The following SLC7A1 variants were observed in gnomAD, a reference collection of about 807,000 sequenced individuals.
The protein encoded by SLC7A1 is solute carrier family 7 member 1.
Under a neutral mutation model 53.9 loss-of-function variants are expected in SLC7A1, and 10 were observed. The observed-to-expected ratio is 0.19, with a 90% CI of 0.11 to 0.31. SLC7A1 has a LOEUF of 0.31. Ranked by LOEUF, SLC7A1 falls within the 10% of genes least tolerant of loss-of-function variation. The pLI is 1.00. For missense variants in SLC7A1, 525 were observed against 827.2 expected (o/e 0.63, Z 4.48); for synonymous variants, 342 against 338.7 (o/e 1.01, Z -0.11).
chr13:29,516,375 G>A, intron 11 of SLC7A1, 129 bp from the exon 12 acceptor site: 1 of 637,724 alleles, frequency 1.6e-6, no homozygotes, highest in Non-Finnish European at 2.8e-6. Context: ...GGAAGAGAGA[G>A]GGAGTGCCCA....
chr13:29,530,685 G>A lies in SLC7A1; in HGVS notation c.557C>T (p.Ser186Leu). 1.2e-6 allele frequency: 2 copies of A among 1,614,036 alleles called. No homozygotes were observed. Among genetic ancestry groups the A allele is most frequent in the Non-Finnish European group, 1.7e-6 (2 of 1,179,958 alleles). ...TGLLTLGVKESAMVNKIFTCI... is the reference protein window; with the variant it reads ...TGLLTLGVKELAMVNKIFTCI... ...AGTGAATATTTTGTTGACCATGGCC[G>A]ACTCTTTCACACCAAGAGTTAAAAG... is the stretch of plus-strand genomic sequence containing the variant. Residue 186 changes from serine (S) to leucine (L), a missense_variant, in exon 5 of 13, where the codon TCG (serine) becomes TTG (leucine). Around this residue, in one of 4 missense-constraint regions of SLC7A1, gnomAD observed 354 missense variants for 587.5 expected, o/e 0.60. Coordinates refer to ENST00000380752, the MANE Select transcript of SLC7A1 (RefSeq NM_003045.5).
At chr13:29,562,133 C>T (rs1012367603) in intron 1 of SLC7A1, among the ~76,000 whole-genome samples, 2 of 152,228 alleles carry the variant, frequency 1.3e-5, no homozygotes, top group African/African-American at 4.8e-5. Context: ...TCTCAGCCTG[C>T]CAGTTTCCCA....
chr13:29,567,355 C>CCTAT, intron 1 of SLC7A1, among the ~76,000 whole-genome samples: 1 of 152,216 alleles, frequency 6.6e-6, no homozygotes, highest in East Asian at 1.9e-4. Context: ...GGGTGGCTTA[C>CCTAT]ATAGGTAAGC....
intron 1 of SLC7A1, among the ~76,000 whole-genome samples, chr13:29,578,747 C>T (rs1397650445): frequency 1.3e-5 from 2 of 152,240 alleles, no homozygotes; most frequent in African/African-American, 4.8e-5. Context: ...TAAGGATCCA[C>T]CAATGCTGGA....
At chr13:29,515,148 G>A (rs1883517909) in intron 12 of SLC7A1, among the ~76,000 whole-genome samples, 1 of 152,244 alleles carries the variant, frequency 6.6e-6, no homozygotes. Flanking sequence ...CCCAGGGGCT[G>A]GGGCCACCTT....
chr13:29,517,751 G>A lies in SLC7A1; in HGVS notation c.1332C>T (p.Ala444=). 6.2e-7 allele frequency: 1 copy of A among 1,614,194 alleles called. No individual in the cohort carries two copies. Among genetic ancestry groups the A allele is most frequent in the Non-Finnish European group, 8.5e-7 (1 of 1,180,034 alleles). ...CTGGATCTAACTCGTCGGAAGTACTGGCCATCTGGTATACCAGGTTAGGCT... is the reference window on the plus strand; with the variant it reads ...CTGGATCTAACTCGTCGGAAGTACTAGCCATCTGGTATACCAGGTTAGGCT... ...PEQPNLVYQM[A]STSDELDPAD... Residue 444 remains alanine, a synonymous_variant, in exon 10 of 13, where the codon GCC becomes GCT. Transcript: ENST00000380752.
chr13:29,546,570 C>G (rs1041897067), intron 2 of SLC7A1, among the ~76,000 whole-genome samples: 33 of 152,220 alleles, frequency 2.2e-4, no homozygotes. Context: ...GATATTTTCC[C>G]ACTCACTCAT....
At chr13:29,577,321 A>T (rs1871450150) in intron 1 of SLC7A1, among the ~76,000 whole-genome samples, 1 of 152,184 alleles carries the variant, frequency 6.6e-6, no homozygotes, top group African/African-American at 2.4e-5. Flanking sequence ...GGTCAGGGTT[A>T]GCCAGAGCCA....
chr13:29,538,770 C>A (rs1593552864), intron 2 of SLC7A1, among the ~76,000 whole-genome samples: 1 of 152,226 alleles, frequency 6.6e-6, no homozygotes, highest in South Asian at 2.1e-4. Flanking sequence ...TGCAACATAG[C>A]CCTCAGCTGA....
intron 1 of SLC7A1, among the ~76,000 whole-genome samples, chr13:29,586,568 T>C (rs1871892884): frequency 6.6e-6 from 1 of 152,232 alleles, no homozygotes; most frequent in African/African-American, 2.4e-5. Flanking sequence ...CTACATAGTA[T>C]TCTAACATGG....
chr13:29,563,280 A>G (rs925537845), intron 1 of SLC7A1, among the ~76,000 whole-genome samples: 1 of 152,216 alleles, frequency 6.6e-6, no homozygotes, highest in Admixed American at 6.5e-5. Context: ...TCAACAAAGA[A>G]TGATCCATGA....
intron 1 of SLC7A1, among the ~76,000 whole-genome samples, chr13:29,567,450 A>C (rs1871017006): frequency 6.6e-6 from 1 of 152,190 alleles, no homozygotes; most frequent in Non-Finnish European, 1.5e-5. Context: ...AGGGCTCACT[A>C]CCAGGGCAAA....
intron 1 of SLC7A1, among the ~76,000 whole-genome samples, chr13:29,564,993 CAA>C (rs1352118969): frequency 6.6e-6 from 1 of 152,166 alleles, no homozygotes; most frequent in Non-Finnish European, 1.5e-5. Flanking sequence ...ATAAACTACA[CAA>C]AGAGATAAAT....
intron 1 of SLC7A1, among the ~76,000 whole-genome samples, chr13:29,564,421 G>T (rs181992556): frequency 3.7e-4 from 57 of 152,282 alleles, no homozygotes; most frequent in South Asian, 6.2e-4. Context: ...TGCTTCACAT[G>T]TGAAAAAACC....
intron 2 of SLC7A1, among the ~76,000 whole-genome samples, chr13:29,540,340 A>G (rs746020570): frequency 1.6e-4 from 24 of 152,228 alleles, no homozygotes; most frequent in Non-Finnish European, 2.5e-4. Context: ...GCTCCCTGTC[A>G]TTTATTATCA....
At chr13:29,518,708 G>A (rs546097613) in intron 9 of SLC7A1, among the ~76,000 whole-genome samples, 1 of 152,256 alleles carries the variant, frequency 6.6e-6, no homozygotes, top group Admixed American at 6.5e-5. Context: ...CCTTGGAAAT[G>A]CAATCAATGG....
At chr13:29,515,876 G>A (rs1447216388) in intron 12 of SLC7A1, among the ~76,000 whole-genome samples, 2 of 152,222 alleles carry the variant, frequency 1.3e-5, no homozygotes, top group African/African-American at 4.8e-5. Flanking sequence ...GAAAATAACT[G>A]GTACCTTATC....
intron 1 of SLC7A1, among the ~76,000 whole-genome samples, chr13:29,577,468 G>A (rs895202106): frequency 6.6e-6 from 1 of 152,246 alleles, no homozygotes; most frequent in Non-Finnish European, 1.5e-5. Flanking sequence ...TAACTGAAGA[G>A]TGGCAGTGTC....
chr13:29,551,704 C>T (rs1306891439), intron 2 of SLC7A1, among the ~76,000 whole-genome samples: 1 of 152,146 alleles, frequency 6.6e-6, no homozygotes, highest in African/African-American at 2.4e-5. Flanking sequence ...AATGAACTCA[C>T]TCTAATTTAA....
Sources: gnomAD v4.1 joint callset for allele counts (sites outside exome capture counted in the v4.1 genomes callset) on GRCh38, gnomAD v4.1.1 for gene constraint, gnomAD v4.1.1 regional missense constraint, MANE v1.5 for transcripts, NCBI Gene and HGNC (gene_info 2026-07-23, HGNC 2026-07-21) for gene names.